LYZL4: variants seen among roughly 807,000 people sequenced by gnomAD.
LYZL4 encodes the protein lysozyme like 4.
In LYZL4, 13 loss-of-function variants were observed where a neutral mutation model predicts 17.6. The ratio of observed to expected loss-of-function variants is 0.74; its 90% confidence interval spans 0.48 to 1.18. The LOEUF (loss-of-function observed/expected upper bound fraction) is 1.18. Ranked by LOEUF, LYZL4 falls within the 50% of genes most tolerant of loss-of-function variation. The probability of loss-of-function intolerance (pLI) is 0.00; values close to 1 mark genes in which losing one functional copy is unlikely to be tolerated. For missense variants in LYZL4, 174 were observed against 188.2 expected, an observed-to-expected ratio of 0.92 and a Z score of 0.44; for synonymous variants, 64 against 67.7, an observed-to-expected ratio of 0.95 and a Z score of 0.27.
the LYZL4 span, among the ~76,000 whole-genome samples, chr3:42,390,172 A>G: frequency 6.6e-6 from 1 of 152,204 alleles, no homozygotes; most frequent in Non-Finnish European, 1.5e-5. Context: ...GGTGGCTATA[A>G]GGTCTGGAAA....
chr3:42,398,445 C>T (rs1426395202), intron 4 of LYZL4, among the ~76,000 whole-genome samples: 2 of 152,114 alleles, frequency 1.3e-5, no homozygotes, highest in East Asian at 1.9e-4. Context: ...ACTGGAAACT[C>T]GGACCATATA....
the LYZL4 span, among the ~76,000 whole-genome samples, chr3:42,387,363 A>G: frequency 6.6e-6 from 1 of 152,224 alleles, no homozygotes; most frequent in African/African-American, 2.4e-5. Context: ...GCCTCATACA[A>G]ACAGAGAATT....
chr3:42,363,335 G>A, the LYZL4 span, among the ~76,000 whole-genome samples: 2 of 152,138 alleles, frequency 1.3e-5, no homozygotes, highest in African/African-American at 4.8e-5. Flanking sequence ...ATTATCTTAG[G>A]AGTCACAAAG....
the LYZL4 span, among the ~76,000 whole-genome samples, chr3:42,368,867 C>T: frequency 1.3e-5 from 2 of 152,214 alleles, no homozygotes; most frequent in Admixed American, 1.3e-4. Context: ...TTTTAATGTA[C>T]TCCCTCAGCT....
At chr3:42,396,539 C>G (rs892787734), downstream of LYZL4, among the ~76,000 whole-genome samples, 1 of 152,192 alleles carries the variant, frequency 6.6e-6, no homozygotes, top group African/African-American at 2.4e-5. Flanking sequence ...ATGCAAAACT[C>G]TCTAACTACA....
At chr3:42,392,629 G>A (rs1018847075), downstream of LYZL4, among the ~76,000 whole-genome samples, 1 of 152,146 alleles carries the variant, frequency 6.6e-6, no homozygotes. Context: ...AGAGCACAGG[G>A]GATGAGGGTG....
chr3:42,368,085 G>C, the LYZL4 span, among the ~76,000 whole-genome samples: 3 of 151,460 alleles, frequency 2.0e-5, no homozygotes, highest in African/African-American at 7.4e-5. Flanking sequence ...TAGCAAACGA[G>C]AGCCCACATT....
the LYZL4 span, among the ~76,000 whole-genome samples, chr3:42,362,591 A>G: frequency 1.3e-5 from 2 of 152,190 alleles, no homozygotes; most frequent in Non-Finnish European, 2.9e-5. Flanking sequence ...ACATGTTGGA[A>G]GGGGCAAGTC....
downstream of LYZL4, chr3:42,396,979 C>A: frequency 4.2e-6 from 1 of 237,100 alleles, no homozygotes; most frequent in Non-Finnish European, 8.2e-6. Context: ...AATTTCCTTC[C>A]TTCAATTCCT....
chr3:42,364,819 G>T, the LYZL4 span, among the ~76,000 whole-genome samples: 1 of 152,082 alleles, frequency 6.6e-6, no homozygotes, highest in African/African-American at 2.4e-5. Context: ...ATGGGTAACT[G>T]GTACCTTTAG....
At chr3:42,390,615 A>G in the LYZL4 span, among the ~76,000 whole-genome samples, 1 of 151,400 alleles carries the variant, frequency 6.6e-6, no homozygotes. Flanking sequence ...ATCTCGGCTC[A>G]CTGAAAGGGG....
At chr3:42,375,781 T>TC in the LYZL4 span, among the ~76,000 whole-genome samples, 1 of 152,046 alleles carries the variant, frequency 6.6e-6, no homozygotes, top group Admixed American at 6.5e-5. Flanking sequence ...GCCCTTTGAC[T>TC]CCCCCTCTTT....
the LYZL4 span, among the ~76,000 whole-genome samples, chr3:42,391,361 C>T: frequency 2.0e-5 from 3 of 151,970 alleles, no homozygotes; most frequent in Non-Finnish European, 2.9e-5. Flanking sequence ...AGGACTGAGC[C>T]GAGGTCCCTC....
At chr3:42,374,178 A>G in the LYZL4 span, among the ~76,000 whole-genome samples, 1 of 152,176 alleles carries the variant, frequency 6.6e-6, no homozygotes, top group South Asian at 2.1e-4. Context: ...CTTTTCATAT[A>G]TCTTATTGCA....
Position 42,399,836 on chromosome 3 carries a change from T to C in LYZL4, c.372-2502A>G, listed in dbSNP as rs564860648. 3.9e-5 allele frequency among the ~76,000 whole-genome samples: 6 copies of C among 152,160 alleles called. No homozygotes were observed. In the East Asian group the frequency reaches 7.7e-4, roughly 20 times the overall value. On this transcript the variant is annotated intron_variant, in intron 4 of 4. Transcript: ENST00000287748. ...TAGGGGGTTTCCATTATGTGCCAGG[T>C]GCAGAGCTAGAGGCTGGAGATATAG...
At chr3:42,403,366 T>G (rs985005354) in intron 4 of LYZL4, among the ~76,000 whole-genome samples, 2 of 152,104 alleles carry the variant, frequency 1.3e-5, no homozygotes, top group African/African-American at 4.8e-5. Flanking sequence ...TTCAAGCGAT[T>G]CTCCTGTCTC....
At chr3:42,367,695 G>A in the LYZL4 span, among the ~76,000 whole-genome samples, 4 of 152,224 alleles carry the variant, frequency 2.6e-5, no homozygotes, top group South Asian at 2.1e-4. Flanking sequence ...CCCGAGGCAG[G>A]ATATGAGGGG....
Position 42,407,283 on chromosome 3 carries a change from G to A in LYZL4, c.-32C>T, listed in dbSNP as rs1234112519. 7.4e-6 allele frequency: 12 copies of A among 1,613,326 alleles called. No homozygotes were observed. The highest frequency in any genetic ancestry group is 4.5e-5 in the East Asian group (2 of 44,886). ...CAGGCTCCTGGCAGGTCAGGGCAAC[G>A]GTGGCCAGATGAGTGGGTGGAGTCA... On this transcript the variant is annotated 5_prime_UTR_variant, in exon 2 of 5. Transcript: ENST00000287748.
the LYZL4 span, among the ~76,000 whole-genome samples, chr3:42,371,249 G>A: frequency 6.6e-6 from 1 of 152,150 alleles, no homozygotes. Context: ...AGAATTTATG[G>A]AGACCAGCAC....
Sources: gnomAD v4.1 joint callset for allele counts (sites outside exome capture counted in the v4.1 genomes callset) on GRCh38, gnomAD v4.1.1 for gene constraint, MANE v1.5 for transcripts, NCBI Gene and HGNC (gene_info 2026-07-23, HGNC 2026-07-21) for gene names.